SRC: variants seen among roughly 807,000 people sequenced by gnomAD.
SRC encodes proto-oncogene tyrosine-protein kinase Src.
SRC carries 13 observed loss-of-function variants against 62.9 expected under a neutral mutation model. The observed-to-expected ratio is 0.21, with a 90% CI of 0.13 to 0.33. The LOEUF (loss-of-function observed/expected upper bound fraction) is 0.33, where lower values mean the gene tolerates loss of function less well. Ranked by LOEUF, SRC falls within the 10% of genes least tolerant of loss-of-function variation. The pLI, the probability that SRC is intolerant of heterozygous loss-of-function variation, is 1.00. For synonymous variants in SRC, 302 were observed against 317.5 expected (o/e 0.95, Z 0.52); for missense variants, 457 against 737.3 (o/e 0.62, Z 4.40).
At chr20:37,378,677 G>A (rs564733174) in intron 2 of SRC, among the ~76,000 whole-genome samples, 52 of 152,256 alleles carry the variant, frequency 3.4e-4, no homozygotes, top group Non-Finnish European at 6.0e-4. Flanking sequence ...TGAGGAACAC[G>A]TAGGTTGTTA....
At chr20:37,391,250 G>A (rs1465974052) in intron 5 of SRC, among the ~76,000 whole-genome samples, 4 of 152,144 alleles carry the variant, frequency 2.6e-5, no homozygotes, top group East Asian at 1.9e-4. Flanking sequence ...CTCTGACCCC[G>A]CCCTGCAGCC....
chr20:37,401,285 G>A (rs1403314256), intron 10 of SRC, among the ~76,000 whole-genome samples: 1 of 152,098 alleles, frequency 6.6e-6, no homozygotes, highest in African/African-American at 2.4e-5. Context: ...TTGCAGGCAG[G>A]AGCCACTGCT....
chr20:37,348,486 G>A (rs547561542), intron 1 of SRC, among the ~76,000 whole-genome samples: 4 of 152,176 alleles, frequency 2.6e-5, no homozygotes, highest in Non-Finnish European at 5.9e-5. Context: ...CTTGGAACTC[G>A]GGCTGAGCAG....
intron 2 of SRC, among the ~76,000 whole-genome samples, chr20:37,380,745 G>A (rs1467806806): frequency 1.3e-5 from 2 of 152,168 alleles, no homozygotes; most frequent in African/African-American, 4.8e-5. Flanking sequence ...GGCACTGGGT[G>A]GACCCCAGTT....
intron 1 of SRC, among the ~76,000 whole-genome samples, chr20:37,358,060 C>A (rs745923910): frequency 2.8e-4 from 43 of 152,062 alleles, no homozygotes; most frequent in Non-Finnish European, 4.3e-4. Context: ...TAAGCAGGAA[C>A]GAAGGGTTCA....
chr20:37,351,329 T>C lies in SRC; in HGVS notation c.-247+5074T>C, dbSNP rs2069797736. Among the ~76,000 whole-genome samples, 1 of 152,168 alleles carries C rather than the reference T, an allele frequency of 6.6e-6. No homozygotes were observed. On this transcript the variant is annotated intron_variant, in intron 1 of 13. Transcript: ENST00000373578. The surrounding 1 kb of genome is among the most constrained non-coding windows in gnomAD (Gnocchi z 4.4). ...GTTTCCTCATCTGTATGGTGAGGAC[T>C]CCTCCCACTGAGGCTCTGTGATGGT...
chr20:37,371,284 G>A (rs2070162199), intron 2 of SRC, among the ~76,000 whole-genome samples: 2 of 151,990 alleles, frequency 1.3e-5, no homozygotes, highest in Non-Finnish European at 1.5e-5. Context: ...GTGAGCCACC[G>A]TGCCCAGCCT....
chr20:37,402,388 A>G lies in SRC; in HGVS notation c.1117-47A>G. 1.3e-6 allele frequency: 2 copies of G among 1,593,546 alleles called. No homozygotes were observed. The highest frequency in any genetic ancestry group is 1.7e-6 in the Non-Finnish European group (2 of 1,169,416). On this transcript the variant is annotated intron_variant, in intron 11 of 13. Transcript: ENST00000373578. The surrounding 1 kb of genome is among the most constrained non-coding windows in gnomAD (Gnocchi z 6.2). ...CCCCAGAGTGCTCTGTGGCCCTGGG[A>G]GGGCATGGGTGGCACCTGAGCCAGG...
intron 5 of SRC, among the ~76,000 whole-genome samples, chr20:37,389,761 G>A (rs1283731716): frequency 6.6e-6 from 1 of 152,222 alleles, no homozygotes. Flanking sequence ...GGATCCTGAG[G>A]CTCAGAGAGG....
chr20:37,398,657 C>T lies in SRC; in HGVS notation c.859+803C>T, dbSNP rs140255025. ...GGTCAGGCTGTCCGGGAAGGGGAGG[C>T]GTGGGCTTTGAGCTGGTGAGAGGGG... On this transcript the variant is annotated intron_variant, in intron 9 of 13. Transcript: ENST00000373578. The surrounding 1 kb of genome is among the most constrained non-coding windows in gnomAD (Gnocchi z 5.2). 8.7e-4 allele frequency among the ~76,000 whole-genome samples: 133 copies of T among 152,224 alleles called. No individual in the cohort carries two copies. The highest frequency in any genetic ancestry group is 3.2e-3 in the African/African-American group (133 of 41,542).
intron 1 of SRC, among the ~76,000 whole-genome samples, chr20:37,352,706 C>T (rs1030838266): frequency 5.9e-5 from 9 of 152,170 alleles, no homozygotes; most frequent in Admixed American, 3.9e-4. Flanking sequence ...CAGAGAGAGG[C>T]GGGGATGGGC....
At chr20:37,352,448 G>T in intron 1 of SRC, among the ~76,000 whole-genome samples, 1 of 152,160 alleles carries the variant, frequency 6.6e-6, no homozygotes, top group East Asian at 1.9e-4. Context: ...GACAAGCTTG[G>T]TGACTGGATT....
Position 37,405,319 on chromosome 20 carries a change from C to T in SRC, c.*1940C>T, listed in dbSNP as rs560670648. The T allele has an allele frequency of 3.3e-4, 57 of 175,366 alleles. No homozygotes were observed. Among genetic ancestry groups the T allele is most frequent in the African/African-American group, 1.3e-3 (49 of 37,428 alleles). 10.9% of individuals were successfully genotyped at this position (175,366 alleles called of 1,614,324 possible). A position where few individuals can be genotyped will look rare whatever the true frequency, so the allele number is the denominator to read the frequency against. ...TGGCTCTGGGCCGGGCCTGGGGCTC[C>T]GAAATTCCAAGGCCCAGACTTGCGG... On this transcript the variant is annotated 3_prime_UTR_variant, in exon 14 of 14. Coordinates refer to ENST00000373578, the MANE Select transcript of SRC (RefSeq NM_198291.3).
At chr20:37,359,678 G>A (rs921093655) in intron 1 of SRC, among the ~76,000 whole-genome samples, 1 of 152,124 alleles carries the variant, frequency 6.6e-6, no homozygotes, top group Non-Finnish European at 1.5e-5. Flanking sequence ...GGAGAGAGGA[G>A]GGCGGATCAG....
Position 37,396,889 on chromosome 20 carries a change from C to A in SRC, c.703+578C>A, listed in dbSNP as rs2070661914. On this transcript the variant is annotated intron_variant, in intron 8 of 13. Transcript: ENST00000373578. The surrounding 1 kb of genome is among the most constrained non-coding windows in gnomAD (Gnocchi z 6.1). Reference sequence around the variant, plus strand: ...GCCCGTGTGTCTGTGGCACACATGGCCTCTGTGCACAGGTGTTGGTCCACT... The same window carrying A: ...GCCCGTGTGTCTGTGGCACACATGGACTCTGTGCACAGGTGTTGGTCCACT... 1 of 157,432 alleles carries A rather than the reference C, an allele frequency of 6.4e-6. No homozygotes were observed. Among genetic ancestry groups the A allele is most frequent in the Admixed American group, 6.1e-5 (1 of 16,388 alleles). 9.8% of individuals were successfully genotyped at this position (157,432 alleles called of 1,614,324 possible). A position where few individuals can be genotyped will look rare whatever the true frequency, so the allele number is the denominator to read the frequency against.
rs73903488 is a variant in SRC at position 37,358,340 on chromosome 20, G to A, written c.-246-6864G>A. Among the ~76,000 whole-genome samples, 451 of 152,324 alleles carry A rather than the reference G, an allele frequency of 3.0e-3. 6 individuals carry two copies. The highest frequency in any genetic ancestry group is 0.01 in the African/African-American group (430 of 41,570). On this transcript the variant is annotated intron_variant, in intron 1 of 13. Coordinates refer to ENST00000373578, the MANE Select transcript of SRC (RefSeq NM_198291.3). ...AGCTGGGCTTTGGGAAGGGGCTGGA[G>A]GGCTGAGTGGCCCCTTTCAGGTAAC...
intron 1 of SRC, among the ~76,000 whole-genome samples, chr20:37,354,180 G>A (rs1045556352): frequency 1.3e-5 from 2 of 152,312 alleles, no homozygotes; most frequent in East Asian, 1.9e-4. Flanking sequence ...CTCCTGGGGC[G>A]CATTCTGCTT....
chr20:37,374,476 C>G (rs2070245550), intron 2 of SRC, among the ~76,000 whole-genome samples: 1 of 151,968 alleles, frequency 6.6e-6, no homozygotes, highest in Non-Finnish European at 1.5e-5. Flanking sequence ...TAATTCCCTG[C>G]CACTTTACTT....
rs2070662739 is a variant in SRC, at chr20:37,396,928, C to T, written c.703+617C>T. The stretch of plus-strand genomic sequence containing the variant: ...TGTTGGTCCACTCCCCACCCCGAGC[C>T]TCCTCCTCCTCTCAGCTTGGCCTCC... On this transcript the variant is annotated intron_variant, in intron 8 of 13. Transcript: ENST00000373578. The surrounding 1 kb of genome is among the most constrained non-coding windows in gnomAD (Gnocchi z 6.1). Among the ~76,000 whole-genome samples the T allele has an allele frequency of 6.6e-6, 1 of 152,048 alleles. No homozygotes were observed. The highest frequency in any genetic ancestry group is 1.5e-5 in the Non-Finnish European group (1 of 68,000).
Sources: allele counts gnomAD v4.1 joint callset (sites outside exome capture counted in the v4.1 genomes callset), GRCh38; gene constraint gnomAD v4.1.1; non-coding constraint Gnocchi (gnomAD v3.1); transcripts MANE v1.5; gene names NCBI Gene and HGNC (gene_info 2026-07-23, HGNC 2026-07-21).